Variants in AIM2 observed in about 807,000 individuals in gnomAD.
AIM2 encodes interferon-inducible protein AIM2.
Under a neutral mutation model 27.7 loss-of-function variants are expected in AIM2, and 30 were observed. The ratio of observed to expected loss-of-function variants is 1.08; its 90% CI spans 0.81 to 1.47. AIM2 has a LOEUF of 1.47. Among genes scored for constraint, AIM2 ranks in the 40% most tolerant of loss-of-function variants. The pLI is 0.00. For missense variants in AIM2, 358 were observed against 411.3 expected (o/e 0.87, Z 1.12); for synonymous variants, 141 against 145.3 (o/e 0.97, Z 0.21).
intron 1 of AIM2, among the ~76,000 whole-genome samples, chr1:159,119,303 T>C (rs991555505): frequency 6.6e-6 from 1 of 152,140 alleles, no homozygotes; most frequent in Non-Finnish European, 1.5e-5. Context: ...AGCTTAATTA[T>C]TTCCTTTTAA....
intron 2 of AIM2, among the ~76,000 whole-genome samples, chr1:159,072,642 A>G (rs1656409919): frequency 6.6e-6 from 1 of 152,186 alleles, no homozygotes; most frequent in Non-Finnish European, 1.5e-5. Context: ...GTTGTGGGTA[A>G]TTTATACTGT....
chr1:159,063,605 C>T lies in AIM2; in HGVS notation c.886G>A (p.Val296Ile). The stretch of plus-strand genomic sequence containing the variant: ...CATTTCATTGTGTCCTCGTTTCTAA[C>T]CCCCAGTACTTCCATTTTCCCAGTG... The part of the protein sequence containing the change: ...DNTGKMEVLG[V>I]RNEDTMKCKE... Residue 296 changes from valine to isoleucine, a missense_variant, in exon 5 of 6, where the codon GTT becomes ATT. Coordinates refer to ENST00000368130, the MANE Select transcript of AIM2 (RefSeq NM_004833.3). The T allele has an allele frequency of 6.2e-7, 1 of 1,614,112 alleles. No individual in the cohort carries two copies. The highest frequency in any genetic ancestry group is 8.5e-7 in the Non-Finnish European group (1 of 1,179,990).
chr1:159,061,078 T>C (rs1655818624), downstream of AIM2, among the ~76,000 whole-genome samples: 1 of 152,230 alleles, frequency 6.6e-6, no homozygotes, highest in Non-Finnish European at 1.5e-5. Flanking sequence ...TTTTTAAAAA[T>C]GGACAAACTC....
intron 1 of AIM2, among the ~76,000 whole-genome samples, chr1:159,111,613 A>G (rs911745056): frequency 2.0e-5 from 3 of 152,118 alleles, no homozygotes; most frequent in Non-Finnish European, 4.4e-5. Context: ...AAGAAAATAT[A>G]TATAAAGATT....
rs1231281872 is a variant in AIM2 at position 159,068,470 on chromosome 1, T to C, written c.396+98A>G. 23 of 1,456,296 alleles carry C rather than the reference T, an allele frequency of 1.6e-5. No homozygotes were observed. The Admixed American group carries it at 5.8e-4, about 37-fold the overall frequency. The allele number at this position is 1,456,296 out of a possible 1,614,324, so 90.2% of individuals were successfully genotyped here. On this transcript the variant is annotated intron_variant, in intron 3 of 5. Coordinates refer to ENST00000368130, the MANE Select transcript of AIM2 (RefSeq NM_004833.3). ...ATGCTGTGGCCTTGCTTCCCTTATT[T>C]GCATGCTGTGAGATAAAGAACAGAG...
At chr1:159,107,500 C>T (rs1657475914) in intron 1 of AIM2, among the ~76,000 whole-genome samples, 1 of 151,964 alleles carries the variant, frequency 6.6e-6, no homozygotes, top group African/African-American at 2.4e-5. Flanking sequence ...ATTATGCAGC[C>T]ACCTTGGGAA....
upstream of AIM2, among the ~76,000 whole-genome samples, chr1:159,142,706 T>C (rs983957748): frequency 1.3e-5 from 2 of 152,206 alleles, no homozygotes; most frequent in African/African-American, 4.8e-5. Flanking sequence ...AAGAAAATGA[T>C]TTCTATTTTT....
chr1:159,063,789 C>T (rs1655958375), intron 4 of AIM2, 115 bp from the exon 5 acceptor site: 3 of 1,138,420 alleles, frequency 2.6e-6, no homozygotes, highest in African/African-American at 1.6e-5. Context: ...GATTCTTGAA[C>T]AACACAGATT....
intron 1 of AIM2, among the ~76,000 whole-genome samples, chr1:159,125,711 G>A (rs1299902667): frequency 3.3e-5 from 5 of 152,190 alleles, no homozygotes; most frequent in Non-Finnish European, 4.4e-5. Context: ...ATTTTGTGAA[G>A]ATTAGAGGCT....
At chr1:159,100,100 T>C (rs1206123259) in intron 1 of AIM2, among the ~76,000 whole-genome samples, 1 of 152,186 alleles carries the variant, frequency 6.6e-6, no homozygotes, top group Non-Finnish European at 1.5e-5. Context: ...AAAGTAAACT[T>C]TCCAGAAACA....
At chr1:159,130,772 T>C (rs1174718962) in intron 1 of AIM2, among the ~76,000 whole-genome samples, 4 of 151,084 alleles carry the variant, frequency 2.6e-5, no homozygotes, top group African/African-American at 4.9e-5. Context: ...TCAAACTGTA[T>C]TCCAAACTAT....
At chr1:159,123,892 A>G (rs561561054) in intron 1 of AIM2, among the ~76,000 whole-genome samples, 1 of 152,332 alleles carries the variant, frequency 6.6e-6, no homozygotes, top group South Asian at 2.1e-4. Flanking sequence ...TTTTTCTCAA[A>G]TACCCATACA....
chr1:159,113,042 T>C (rs1026029829), intron 1 of AIM2, among the ~76,000 whole-genome samples: 2 of 151,934 alleles, frequency 1.3e-5, no homozygotes, highest in African/African-American at 4.8e-5. Flanking sequence ...CTTCCGGGGT[T>C]CACGCCATTC....
chr1:159,081,604 C>A, upstream of AIM2: 2 of 416,826 alleles, frequency 4.8e-6, no homozygotes, highest in Admixed American at 2.8e-5. Context: ...GTCTTTCTTC[C>A]AAAAATAGCA....
rs576386475 is a variant in AIM2, at chr1:159,112,911, G to A, written c.-16+27520C>T. Reference sequence around the variant, plus strand: ...TCAGAATACAGTTTTATACTCTGATGTTTCAAACCTAATATATACATACAT... The same window carrying A: ...TCAGAATACAGTTTTATACTCTGATATTTCAAACCTAATATATACATACAT... On this transcript the variant is annotated intron_variant, in intron 1 of 2. Transcript: ENST00000368129. 7.2e-4 allele frequency among the ~76,000 whole-genome samples: 107 copies of A among 147,714 alleles called. 1 individual carries two copies. Among genetic ancestry groups the A allele is most frequent in the South Asian group, 5.2e-3 (25 of 4,774 alleles).
chr1:159,082,771 T>C (rs963122710), intron 1 of AIM2, among the ~76,000 whole-genome samples: 1 of 152,138 alleles, frequency 6.6e-6, no homozygotes, highest in African/African-American at 2.4e-5. Flanking sequence ...TTTTAACATA[T>C]GAATTTTGGG....
chr1:159,067,478 G>C (rs72709580), intron 3 of AIM2, among the ~76,000 whole-genome samples: 6,375 of 152,230 alleles, frequency 0.042, 140 homozygotes, highest in Middle Eastern at 0.048. Flanking sequence ...GGAGCTTGGG[G>C]CAGTGGAGCT....
chr1:159,146,248 A>G (rs1017377939), intron 1 of AIM2, among the ~76,000 whole-genome samples: 1 of 152,156 alleles, frequency 6.6e-6, no homozygotes, highest in African/African-American at 2.4e-5. Flanking sequence ...CTTTCTGGGA[A>G]GTTTGGGGGA....
chr1:159,066,474 A>G (rs1195987336), intron 3 of AIM2, 145 bp from the exon 4 acceptor site: 3 of 806,968 alleles, frequency 3.7e-6, no homozygotes, highest in Non-Finnish European at 5.7e-6. Context: ...ATACGAAGAG[A>G]GTTGAGGCCT....
Sources: allele counts gnomAD v4.1 joint callset (sites outside exome capture counted in the v4.1 genomes callset), GRCh38; gene constraint gnomAD v4.1.1; transcripts MANE v1.5; gene names NCBI Gene and HGNC (gene_info 2026-07-23, HGNC 2026-07-21).